NTRK3: variants seen among roughly 807,000 people sequenced by gnomAD.
NTRK3 encodes NT-3 growth factor receptor.
A neutral mutation model predicts 91.7 loss-of-function variants in NTRK3; 24 were observed. The observed-to-expected ratio is 0.26, with a 90% CI of 0.19 to 0.37. NTRK3 has a LOEUF of 0.37. NTRK3 is among the 10% of genes least tolerant of loss of function. NTRK3 has a pLI of 1.00. For missense variants in NTRK3, 880 were observed against 1,068.9 expected (o/e 0.82, Z 2.46); for synonymous variants, 483 against 404.0 (o/e 1.20, Z -2.34).
chr15:88,090,513 T>A (rs960812941), intron 13 of NTRK3, among the ~76,000 whole-genome samples: 7 of 152,098 alleles, frequency 4.6e-5, no homozygotes, highest in African/African-American at 1.7e-4. Flanking sequence ...AATCTCCCTA[T>A]GGGATAATCA....
At chr15:88,147,385 C>A (rs2151313624) in exon 6 of NTRK3, 2 of 1,613,782 alleles carry the variant, frequency 1.2e-6, no homozygotes, top group East Asian at 2.2e-5. Context: ...GTGTGGTGAG[C>A]CGGTTACTTG....
At chr15:88,230,380 T>C (rs576797189) in intron 3 of NTRK3, among the ~76,000 whole-genome samples, 7 of 152,332 alleles carry the variant, frequency 4.6e-5, no homozygotes, top group South Asian at 2.1e-4. Context: ...GCAGAGCACA[T>C]GTTCTCATTT....
chr15:88,059,912 G>A (rs563854552), intron 13 of NTRK3, among the ~76,000 whole-genome samples: 1 of 152,266 alleles, frequency 6.6e-6, no homozygotes, highest in East Asian at 1.9e-4. Flanking sequence ...GACACAAAGG[G>A]AAGGCCATGT....
chr15:88,249,294 G>C (rs1054192040), intron 3 of NTRK3, among the ~76,000 whole-genome samples: 1 of 152,214 alleles, frequency 6.6e-6, no homozygotes, highest in Non-Finnish European at 1.5e-5. Context: ...TTTCTAATTG[G>C]TGTGGGCTGC....
chr15:88,113,466 C>T (rs530528473), intron 13 of NTRK3, among the ~76,000 whole-genome samples: 6 of 152,096 alleles, frequency 3.9e-5, no homozygotes, highest in Admixed American at 6.5e-5. Flanking sequence ...AAGGTGCACA[C>T]GACCACGCCC....
At chr15:87,942,471 C>G (rs746193442) in intron 14 of NTRK3, among the ~76,000 whole-genome samples, 1 of 152,126 alleles carries the variant, frequency 6.6e-6, no homozygotes, top group Middle Eastern at 3.2e-3. Context: ...GGCCCTCTCT[C>G]GGGAGGCCAC....
At position 87,900,688 on chromosome 15, in the gene NTRK3, A is replaced by AGG. The variant is rs1384595154; in HGVS notation, c.2134-20262_2134-20261dup. On this transcript the variant is annotated intron_variant, in intron 17 of 18. Transcript: ENST00000394480. ...CAGCATCAGCAGCCTGACTTTACAG[A>AGG]GGGTGTGTGTGTGTGTGTGTGTGTG... 1.0e-4 allele frequency among the ~76,000 whole-genome samples: 9 copies of AGG among 90,178 alleles called. No individual in the cohort carries two copies. In the Middle Eastern group the frequency reaches 0.014, roughly 145 times the overall value. 59.2% of individuals were successfully genotyped at this position (90,178 alleles called of 152,430 possible). A position where few individuals can be genotyped will look rare whatever the true frequency, so the allele number is the denominator to read the frequency against.
intron 3 of NTRK3, among the ~76,000 whole-genome samples, chr15:88,202,689 T>G (rs1031027140): frequency 5.3e-5 from 8 of 152,204 alleles, no homozygotes; most frequent in Non-Finnish European, 1.0e-4. Flanking sequence ...CACCATGACC[T>G]GTGCAGCTGC....
Position 87,945,803 on chromosome 15 carries a change from G to GAAA in NTRK3, c.1586-5053_1586-5051dup, listed in dbSNP as rs34162356. ...GCACTGCTGAAAGAGTGAAGACTGG[G>GAAA]AAAAAAAAAAAAAAAAAAAAAAAAA... On this transcript the variant is annotated intron_variant, in intron 14 of 18. Coordinates refer to ENST00000394480, the Ensembl canonical transcript of NTRK3. Among the ~76,000 whole-genome samples, 143 of 106,758 alleles carry GAAA rather than the reference G, an allele frequency of 1.3e-3. 1 individual carries two copies. The highest frequency in any genetic ancestry group is 5.1e-3 in the Middle Eastern group (1 of 196). The allele number at this position is 106,758 out of a possible 152,430, so 70.0% of individuals were successfully genotyped here. A position where few individuals can be genotyped will look rare whatever the true frequency, so the allele number is the denominator to read the frequency against.
At chr15:88,063,198 C>T (rs527387154) in intron 13 of NTRK3, among the ~76,000 whole-genome samples, 1 of 152,330 alleles carries the variant, frequency 6.6e-6, no homozygotes, top group Admixed American at 6.5e-5. Flanking sequence ...CATAGGAGCA[C>T]ATAGTGAGTG....
intron 5 of NTRK3, among the ~76,000 whole-genome samples, chr15:88,147,899 C>T (rs2043028576): frequency 6.6e-6 from 1 of 152,204 alleles, no homozygotes; most frequent in South Asian, 2.1e-4. Context: ...TTTGTTCACA[C>T]GTCTGTTCTC....
chr15:87,966,401 G>A (rs1388469109), intron 14 of NTRK3, among the ~76,000 whole-genome samples: 3 of 152,218 alleles, frequency 2.0e-5, no homozygotes, highest in Non-Finnish European at 4.4e-5. Context: ...CCTCAGATTT[G>A]CGAGTGGAGA....
chr15:88,153,091 C>G (rs2043542900), intron 5 of NTRK3, among the ~76,000 whole-genome samples: 1 of 152,240 alleles, frequency 6.6e-6, no homozygotes. Flanking sequence ...CCCAATCCTG[C>G]AAGCTCCCAG....
intron 5 of NTRK3, among the ~76,000 whole-genome samples, chr15:88,150,482 C>A (rs113614992): frequency 9.7e-4 from 147 of 152,248 alleles, no homozygotes; most frequent in African/African-American, 3.4e-3. Flanking sequence ...GGGAAGTGGG[C>A]TCCTACTCTC....
chr15:88,107,173 G>C (rs1426463635), intron 13 of NTRK3, among the ~76,000 whole-genome samples: 1 of 152,004 alleles, frequency 6.6e-6, no homozygotes, highest in East Asian at 1.9e-4. Context: ...GCCAGGTGCA[G>C]TGCTCACATG....
chr15:88,095,089 G>C (rs2049445608), intron 13 of NTRK3, among the ~76,000 whole-genome samples: 1 of 152,208 alleles, frequency 6.6e-6, no homozygotes. Flanking sequence ...CGTGAGCCCA[G>C]ACTCTGCCTT....
At chr15:87,958,444 C>T (rs1378398140) in intron 14 of NTRK3, among the ~76,000 whole-genome samples, 1 of 152,056 alleles carries the variant, frequency 6.6e-6, no homozygotes, top group Non-Finnish European at 1.5e-5. Context: ...GGCATCTCTG[C>T]TTGTGTGTCT....
rs1024516440 is a variant in NTRK3 at position 88,056,194 on chromosome 15, ATATATATATTTT to A, written c.1397-23161_1397-23150del. On this transcript the variant is annotated intron_variant, in intron 13 of 18. Coordinates refer to ENST00000394480, the Ensembl canonical transcript of NTRK3. Reference sequence around the variant, plus strand: ...TGTTTTCATATATATATATATATATATATATATATTTTTTTTTTAATGTAGAACCTTGATCAT... The same window carrying A: ...TGTTTTCATATATATATATATATATATTTTTTAATGTAGAACCTTGATCAT... Among the ~76,000 whole-genome samples the A allele has an allele frequency of 4.0e-4, 40 of 99,462 alleles. 1 individual carries two copies. Among genetic ancestry groups the A allele is most frequent in the African/African-American group, 1.4e-3 (36 of 25,714 alleles). 65.3% of individuals were successfully genotyped at this position (99,462 alleles called of 152,430 possible). A position where few individuals can be genotyped will look rare whatever the true frequency, so the allele number is the denominator to read the frequency against.
intron 16 of NTRK3, among the ~76,000 whole-genome samples, chr15:87,932,434 T>C (rs1413096926): frequency 1.3e-5 from 2 of 152,142 alleles, no homozygotes; most frequent in African/African-American, 4.8e-5. Flanking sequence ...TTAATGTAAA[T>C]CTAAATTTAA....
Sources: allele counts gnomAD v4.1 joint callset (sites outside exome capture counted in the v4.1 genomes callset), GRCh38; gene constraint gnomAD v4.1.1; transcripts MANE v1.5; gene names NCBI Gene and HGNC (gene_info 2026-07-23, HGNC 2026-07-21).